The following SYCP1 variants were observed in gnomAD, a reference collection of about 807,000 sequenced individuals.
The protein encoded by SYCP1 is synaptonemal complex protein 1.
In SYCP1, 64 loss-of-function variants were observed where a neutral mutation model predicts 153.1. That is an observed-to-expected ratio of 0.42 (90% CI 0.34 to 0.51). The LOEUF (loss-of-function observed/expected upper bound fraction) is 0.51, where lower values mean the gene tolerates loss of function less well. Ranked by LOEUF, SYCP1 falls within the 20% of genes least tolerant of loss-of-function variation. The pLI, the probability that SYCP1 is intolerant of heterozygous loss-of-function variation, is 0.06. For missense variants in SYCP1, 997 were observed against 1,049.0 expected (o/e 0.95, Z 0.68); for synonymous variants, 384 against 341.8 (o/e 1.12, Z -1.36).
intron 16 of SYCP1, among the ~76,000 whole-genome samples, chr1:114,898,675 A>C (rs1667221337): frequency 6.6e-6 from 1 of 152,216 alleles, no homozygotes; most frequent in Non-Finnish European, 1.5e-5. Flanking sequence ...TTGCTAAAAA[A>C]ACAAATCATG....
chr1:114,918,179 G>T (rs1253797145), intron 20 of SYCP1, among the ~76,000 whole-genome samples: 1 of 151,938 alleles, frequency 6.6e-6, no homozygotes, highest in African/African-American at 2.4e-5. Context: ...AGAGATAGGG[G>T]TCTAGTTTCA....
chr1:114,969,957 G>A lies in SYCP1; in HGVS notation c.2323-7600G>A, dbSNP rs149259361. Among the ~76,000 whole-genome samples the A allele has an allele frequency of 1.3e-3, 196 of 152,166 alleles. 8 individuals are homozygous for A. In the East Asian group the frequency reaches 0.032, roughly 25 times the overall value. ...GCAACACCCACCCCTGCTTCTGCTC[G>A]CCCTCTGTGGGCTGCACCCACTGTC... On this transcript the variant is annotated intron_variant, in intron 27 of 31. Transcript: ENST00000369522.
At chr1:114,872,002 T>A (rs531838969) in intron 8 of SYCP1, among the ~76,000 whole-genome samples, 1 of 143,446 alleles carries the variant, frequency 7.0e-6, no homozygotes, top group East Asian at 2.0e-4. Context: ...TTTTCTTTCT[T>A]TTTCTTTTTT....
At chr1:114,951,638 TAG>T (rs1322990405) in intron 27 of SYCP1, among the ~76,000 whole-genome samples, 2 of 152,196 alleles carry the variant, frequency 1.3e-5, no homozygotes, top group Non-Finnish European at 2.9e-5. Context: ...AGAAATAATG[TAG>T]AGAGATCCCA....
In SYCP1 at chr1:114,949,619, A is replaced by G. The variant is rs190719890; in HGVS notation, c.2322+2299A>G. Among the ~76,000 whole-genome samples the G allele has an allele frequency of 2.4e-3, 360 of 152,182 alleles. 6 individuals carry two copies. Among genetic ancestry groups the G allele is most frequent in the Non-Finnish European group, 4.6e-4 (31 of 68,016 alleles). On this transcript the variant is annotated intron_variant, in intron 27 of 31. Coordinates refer to ENST00000369522, the MANE Select transcript of SYCP1 (RefSeq NM_003176.4). ...TGAGGCCCATGGGGTCTTGATTACT[A>G]TGTCTGTGGTCTACCAGGGCTCAAT... is the stretch of plus-strand genomic sequence containing the variant.
chr1:114,862,188 C>T (rs1226736434), intron 8 of SYCP1, among the ~76,000 whole-genome samples: 1 of 152,040 alleles, frequency 6.6e-6, no homozygotes, highest in Non-Finnish European at 1.5e-5. Flanking sequence ...ACTACCAGCT[C>T]CTCTACTATA....
At chr1:114,976,068 C>T (rs1183771539) in intron 27 of SYCP1, among the ~76,000 whole-genome samples, 6 of 151,732 alleles carry the variant, frequency 4.0e-5, no homozygotes, top group African/African-American at 1.2e-4. Flanking sequence ...AAAATAGTGG[C>T]ATTATAGATT....
intron 16 of SYCP1, among the ~76,000 whole-genome samples, chr1:114,899,092 C>T (rs1226999891): frequency 1.3e-5 from 2 of 152,166 alleles, no homozygotes; most frequent in Non-Finnish European, 2.9e-5. Flanking sequence ...CAGTCAAAGC[C>T]TTGGTAAAAC....
intron 27 of SYCP1, among the ~76,000 whole-genome samples, chr1:114,962,436 T>A (rs997124582): frequency 6.6e-6 from 1 of 152,190 alleles, no homozygotes; most frequent in African/African-American, 2.4e-5. Context: ...TTTTAAACTG[T>A]TGTTGCTTTA....
rs1426250294 is a variant in SYCP1 at position 114,994,907 on chromosome 1, G to T, written c.2819G>T (p.Gly940Val). 3.7e-6 allele frequency: 6 copies of T among 1,606,296 alleles called. No individual in the cohort carries two copies. Among genetic ancestry groups the T allele is most frequent in the African/African-American group, 2.7e-5 (2 of 74,252 alleles). Reference protein sequence around the residue: ...KKAPSSLTTPGSTLKFGAIRK... With the variant: ...KKAPSSLTTPVSTLKFGAIRK... ...GCCCCTTCATCTCTAACAACCCCTG[G>T]ATCTACACTGAAGTTTGGAGCTATA... Residue 940 changes from glycine to valine, a missense_variant, in exon 32 of 32, where the codon GGA (glycine) becomes GTA (valine). Gly to Val is a moderately radical substitution (Grantham distance 109). This residue lies in a region of SYCP1 where 712 missense variants were observed against 682.9 expected (regional missense o/e 1.04). Transcript: ENST00000369522.
chr1:114,926,516 A>G lies in SYCP1; in HGVS notation c.1879A>G (p.Lys627Glu). ...ELQQENKALK[K>E]KGTAESKQLN... ...ATTTTAACAGAATAAGGCCTTGAAA[A>G]AAAAAGGTACAGCAGAAAGCAAGCA... The change falls in exon 23 of 32, where the codon AAA becomes GAA. Residue 627 changes from lysine to glutamate, a missense_variant. Coordinates refer to ENST00000369522, the MANE Select transcript of SYCP1 (RefSeq NM_003176.4). 1 of 1,592,658 alleles carries G rather than the reference A, an allele frequency of 6.3e-7. No homozygotes were observed. Among genetic ancestry groups the G allele is most frequent in the Non-Finnish European group, 8.5e-7 (1 of 1,170,338 alleles).
In SYCP1 at chr1:114,959,041, A is replaced by G. The variant is rs535137998; in HGVS notation, c.2322+11721A>G. 1.8e-4 allele frequency among the ~76,000 whole-genome samples: 27 copies of G among 151,620 alleles called. 1 individual carries two copies. In the South Asian group the frequency reaches 5.2e-3, roughly 29 times the overall value. Reference sequence around the variant, plus strand: ...GTTGTTTTTTCAGTTTCTTGTTGGTATCATTTGCAACACAAAAGTTTTCAT... The same window carrying G: ...GTTGTTTTTTCAGTTTCTTGTTGGTGTCATTTGCAACACAAAAGTTTTCAT... On this transcript the variant is annotated intron_variant, in intron 27 of 31. Transcript: ENST00000369522.
intron 8 of SYCP1, among the ~76,000 whole-genome samples, chr1:114,870,107 G>A (rs984395077): frequency 5.9e-5 from 9 of 152,076 alleles, no homozygotes; most frequent in Non-Finnish European, 1.3e-4. Flanking sequence ...TTGAAATCCT[G>A]GGCTCAAGCG....
intron 15 of SYCP1, among the ~76,000 whole-genome samples, chr1:114,890,581 A>G (rs1233111937): frequency 3.3e-5 from 5 of 152,138 alleles, no homozygotes; most frequent in African/African-American, 4.8e-5. Context: ...GGTAGATTTA[A>G]ATTTAAAAGT....
chr1:114,910,637 T>C (rs1224047845), intron 17 of SYCP1, 136 bp downstream of exon 17: 2 of 514,226 alleles, frequency 3.9e-6, no homozygotes. Flanking sequence ...TACATTAATA[T>C]ATTTATGATT....
At chr1:114,862,590 C>T (rs1206351919) in intron 8 of SYCP1, among the ~76,000 whole-genome samples, 1 of 151,950 alleles carries the variant, frequency 6.6e-6, no homozygotes, top group Non-Finnish European at 1.5e-5. Flanking sequence ...CCACCTGCCT[C>T]GGCCTCCCAA....
chr1:114,913,879 T>C (rs1668340822), intron 19 of SYCP1, 96 bp from the exon 20 acceptor site: 3 of 925,170 alleles, frequency 3.2e-6, no homozygotes, highest in Non-Finnish European at 4.6e-6. Flanking sequence ...TATAACTAAA[T>C]AAATTTTATG....
chr1:114,957,379 G>A (rs913168547), intron 27 of SYCP1, among the ~76,000 whole-genome samples: 3 of 152,050 alleles, frequency 2.0e-5, no homozygotes, highest in East Asian at 3.9e-4. Flanking sequence ...GCATTGGTCC[G>A]GTCAAAGATT....
intron 30 of SYCP1, among the ~76,000 whole-genome samples, chr1:114,992,271 A>AT (rs1327255342): frequency 3.3e-5 from 5 of 151,430 alleles, no homozygotes; most frequent in East Asian, 1.9e-4. Context: ...AATTCCAACA[A>AT]TTTTTTTTGC....
Sources: gnomAD v4.1 joint callset for allele counts (sites outside exome capture counted in the v4.1 genomes callset) on GRCh38, gnomAD v4.1.1 for gene constraint, gnomAD v4.1.1 regional missense constraint, MANE v1.5 for transcripts, NCBI Gene and HGNC (gene_info 2026-07-23, HGNC 2026-07-21) for gene names.